LIN9: variants seen among roughly 807,000 people sequenced by gnomAD.
LIN9 encodes the protein protein lin-9 homolog.
LIN9 carries 18 observed loss-of-function variants against 78.0 expected under a neutral mutation model. That is an observed-to-expected ratio of 0.23 (90% CI 0.16 to 0.34). The LOEUF (loss-of-function observed/expected upper bound fraction) is 0.34. Among genes scored for constraint, LIN9 ranks in the 10% least tolerant of loss-of-function variants. LIN9 has a pLI of 1.00. For missense variants in LIN9, 451 were observed against 644.1 expected, an observed-to-expected ratio of 0.70 and a Z score of 3.25; for synonymous variants, 192 against 215.2, an observed-to-expected ratio of 0.89 and a Z score of 0.94.
chr1:226,244,447 A>G (rs774459792), intron 11 of LIN9, among the ~76,000 whole-genome samples: 2 of 152,106 alleles, frequency 1.3e-5, no homozygotes, highest in African/African-American at 2.4e-5. Context: ...ATAAATAAAT[A>G]AAATAAAAAC....
At chr1:226,291,647 T>C (rs1369346058) in intron 4 of LIN9, among the ~76,000 whole-genome samples, 8 of 152,144 alleles carry the variant, frequency 5.3e-5, no homozygotes, top group African/African-American at 9.7e-5. Flanking sequence ...TTTGGAAAAG[T>C]TGTAGATTTA....
chr1:226,289,837 GGGGGGGGGT>G (rs1402098321), intron 4 of LIN9, among the ~76,000 whole-genome samples: 11 of 40,272 alleles, frequency 2.7e-4, no homozygotes, highest in African/African-American at 6.3e-4. Flanking sequence ...AGTCCTCCGG[GGGGGGGGGT>G]GGGGGGGGGT....
intron 6 of LIN9, among the ~76,000 whole-genome samples, chr1:226,282,246 T>C (rs911355653): frequency 1.3e-5 from 2 of 152,224 alleles, no homozygotes; most frequent in Non-Finnish European, 2.9e-5. Flanking sequence ...ATTTATGGAC[T>C]TTTAGGCTGT....
At chr1:226,256,929 C>A (rs1440555929) in intron 10 of LIN9, among the ~76,000 whole-genome samples, 1 of 151,506 alleles carries the variant, frequency 6.6e-6, no homozygotes, top group Non-Finnish European at 1.5e-5. Context: ...AATCTGTCGC[C>A]AGTAGGACTG....
chr1:226,306,615 G>A (rs1422243608), intron 1 of LIN9, among the ~76,000 whole-genome samples: 1 of 152,140 alleles, frequency 6.6e-6, no homozygotes, highest in Non-Finnish European at 1.5e-5. Flanking sequence ...CTGAAATGAA[G>A]ATTAAATGAG....
intron 4 of LIN9, among the ~76,000 whole-genome samples, chr1:226,288,513 C>T (rs922630202): frequency 1.3e-5 from 2 of 151,896 alleles, no homozygotes; most frequent in Non-Finnish European, 2.9e-5. Flanking sequence ...TAGGTGAAAA[C>T]TCAAGAAAAT....
chr1:226,277,524 T>C (rs542762481), intron 7 of LIN9, among the ~76,000 whole-genome samples: 4 of 152,334 alleles, frequency 2.6e-5, no homozygotes, highest in African/African-American at 9.6e-5. Flanking sequence ...AAACACATTC[T>C]AGTGAAAAAT....
intron 9 of LIN9, 139 bp downstream of exon 9, chr1:226,266,074 C>A: frequency 2.4e-6 from 1 of 423,512 alleles, no homozygotes; most frequent in Non-Finnish European, 4.1e-6. Flanking sequence ...GATGAAGCAA[C>A]TATTTATTTT....
At chr1:226,258,304 C>A (rs906807700) in intron 10 of LIN9, among the ~76,000 whole-genome samples, 3 of 150,574 alleles carry the variant, frequency 2.0e-5, no homozygotes, top group African/African-American at 7.3e-5. Flanking sequence ...AGTTCCAGAC[C>A]AGCCTGGCCA....
At chr1:226,293,074 TA>T (rs1156768723) in intron 4 of LIN9, among the ~76,000 whole-genome samples, 1 of 152,082 alleles carries the variant, frequency 6.6e-6, no homozygotes, top group Non-Finnish European at 1.5e-5. Context: ...GTTCTTTAAA[TA>T]AACATACAGA....
At chr1:226,240,052 G>T (rs748839598) in intron 11 of LIN9, among the ~76,000 whole-genome samples, 2 of 152,138 alleles carry the variant, frequency 1.3e-5, no homozygotes, top group African/African-American at 4.8e-5. Context: ...CCAAATCACA[G>T]AATTATAGAC....
intron 7 of LIN9, among the ~76,000 whole-genome samples, chr1:226,268,351 A>C (rs1048911189): frequency 6.6e-6 from 1 of 152,202 alleles, no homozygotes; most frequent in African/African-American, 2.4e-5. Flanking sequence ...ATTTTAAATC[A>C]TTTAACTGCA....
At chr1:226,291,766 CTAT>C (rs1391943055) in intron 4 of LIN9, among the ~76,000 whole-genome samples, 2 of 152,098 alleles carry the variant, frequency 1.3e-5, no homozygotes, top group Non-Finnish European at 2.9e-5. Flanking sequence ...TAGTGCAATA[CTAT>C]TAACTAAACT....
chr1:226,285,763 G>A (rs184084202), intron 6 of LIN9, among the ~76,000 whole-genome samples: 90 of 152,224 alleles, frequency 5.9e-4, no homozygotes, highest in East Asian at 5.6e-3. Context: ...GCACTTCTGG[G>A]AAGGCTCCTG....
chr1:226,254,378 A>G (rs1659054270), intron 10 of LIN9, among the ~76,000 whole-genome samples: 1 of 152,256 alleles, frequency 6.6e-6, no homozygotes, highest in Admixed American at 6.5e-5. Context: ...TGAGAGTTTT[A>G]TAAAACCTCA....
intron 4 of LIN9, among the ~76,000 whole-genome samples, chr1:226,291,483 T>C (rs1661789741): frequency 6.6e-6 from 1 of 152,054 alleles, no homozygotes; most frequent in Non-Finnish European, 1.5e-5. Context: ...TTTAACAATA[T>C]TAAATATTTT....
At chr1:226,245,569 G>A (rs1440738101) in intron 11 of LIN9, among the ~76,000 whole-genome samples, 2 of 151,850 alleles carry the variant, frequency 1.3e-5, no homozygotes, top group South Asian at 2.1e-4. Flanking sequence ...ACTATACCAT[G>A]CCTGGCTAAT....
rs187586744 is a variant in LIN9, at chr1:226,237,360, C to T, written c.1245+1611G>A. On this transcript the variant is annotated intron_variant, in intron 12 of 14. Transcript: ENST00000681046. ...TTTAAAAATCTGATATTGCTGGGCGCGGTGACTCATGCCTGTAATCCCAGC... is the reference window on the plus strand; with the variant it reads ...TTTAAAAATCTGATATTGCTGGGCGTGGTGACTCATGCCTGTAATCCCAGC... Among the ~76,000 whole-genome samples the T allele has an allele frequency of 1.2e-3, 182 of 152,282 alleles. 1 individual carries two copies. The highest frequency in any genetic ancestry group is 4.0e-3 in the African/African-American group (168 of 41,550).
chr1:226,241,857 C>CA lies in LIN9; in HGVS notation c.1120-2762dup, dbSNP rs371331787. ...TGGGCGACAGAGCGAGACTCTGTTT[C>CA]AAAAAAAAAAAAGAAAAGGGGGTGA... On this transcript the variant is annotated intron_variant, in intron 11 of 14. Coordinates refer to ENST00000681046, the MANE Select transcript of LIN9 (RefSeq NM_001366245.2). 7.8e-3 allele frequency among the ~76,000 whole-genome samples: 897 copies of CA among 114,630 alleles called. 24 individuals are homozygous for CA. In the South Asian group the frequency reaches 0.094, roughly 12 times the overall value. 75.2% of individuals were successfully genotyped at this position (114,630 alleles called of 152,430 possible). A position where few individuals can be genotyped will look rare whatever the true frequency, so the allele number is the denominator to read the frequency against.
Sources: gnomAD v4.1 joint callset for allele counts (sites outside exome capture counted in the v4.1 genomes callset) on GRCh38, gnomAD v4.1.1 for gene constraint, MANE v1.5 for transcripts, NCBI Gene and HGNC (gene_info 2026-07-23, HGNC 2026-07-21) for gene names.